NMBR: variants seen among roughly 807,000 people sequenced by gnomAD.
NMBR encodes neuromedin-B receptor.
NMBR carries 16 observed loss-of-function variants against 20.5 expected under a neutral mutation model. The observed-to-expected ratio is 0.78, with a 90% CI of 0.53 to 1.19. The LOEUF (loss-of-function observed/expected upper bound fraction) is 1.19, where lower values mean the gene tolerates loss of function less well. Ranked by LOEUF, NMBR falls within the 50% of genes most tolerant of loss-of-function variation. The pLI is 0.00. For missense variants in NMBR, 582 were observed against 499.1 expected, an observed-to-expected ratio of 1.17 and a Z score of -1.58; for synonymous variants, 212 against 196.6, an observed-to-expected ratio of 1.08 and a Z score of -0.65.
Position 142,133,208 on chromosome 6 carries a change from T to C in NMBR, c.-664+13836A>G, listed in dbSNP as rs763807128. 6.0e-6 allele frequency: 4 copies of C among 664,824 alleles called. 1 individual carries two copies. In the South Asian group the frequency reaches 6.5e-5, roughly 11 times the overall value. 41.2% of individuals were successfully genotyped at this position (664,824 alleles called of 1,614,324 possible). A position where few individuals can be genotyped will look rare whatever the true frequency, so the allele number is the denominator to read the frequency against. ...TTCTATGAAGGATGTGTAAGTATTA[T>C]ACAAACAAAAAATCAATTGTATGAG... On this transcript the variant is annotated intron_variant, in intron 1 of 3. Coordinates refer to ENST00000258042, the MANE Select transcript of NMBR (RefSeq NM_002511.4).
rs921125570 is a variant in NMBR, at chr6:142,136,857, C to A, written c.-664+10187G>T. ...TCTGTTCTGTTCCATTGATCTAGAT[C>A]TCTGTTTTGGTACCAGTACCATGCT... On this transcript the variant is annotated intron_variant, in intron 1 of 3. Coordinates refer to ENST00000258042, the MANE Select transcript of NMBR (RefSeq NM_002511.4). 2.0e-5 allele frequency among the ~76,000 whole-genome samples: 3 copies of A among 152,168 alleles called. No individual in the cohort carries two copies. In the East Asian group the frequency reaches 5.8e-4, roughly 29 times the overall value.
At chr6:142,107,656 A>C (rs1310453462) in intron 1 of NMBR, among the ~76,000 whole-genome samples, 1 of 152,208 alleles carries the variant, frequency 6.6e-6, no homozygotes, top group African/African-American at 2.4e-5. Context: ...TCTAGTTTTC[A>C]ACAAAAAATT....
At chr6:142,077,016 CAGGA>C (rs538877902) in intron 3 of NMBR, among the ~76,000 whole-genome samples, 82 of 152,220 alleles carry the variant, frequency 5.4e-4, no homozygotes, top group Non-Finnish European at 8.2e-4. Context: ...GAACCCAGGC[CAGGA>C]AGCAGAATGT....
chr6:142,089,194 C>T lies in NMBR; in HGVS notation c.-536G>A, dbSNP rs1277099227. The T allele has an allele frequency of 6.3e-6, 1 of 158,134 alleles. No homozygotes were observed. The highest frequency in any genetic ancestry group is 5.9e-5 in the Admixed American group (1 of 16,884). 9.8% of individuals were successfully genotyped at this position (158,134 alleles called of 1,614,324 possible). On this transcript the variant is annotated 5_prime_UTR_variant, in exon 2 of 4. An upstream open reading frame in the 5' UTR loses its in-frame stop. Transcript: ENST00000258042. ...TATTGTGTGGAACTGGAGGGGAGGT[C>T]AGTCCTCCATGCATGTGTGTGTGCC...
chr6:142,092,132 C>T (rs915205929), intron 1 of NMBR, among the ~76,000 whole-genome samples: 2 of 151,464 alleles, frequency 1.3e-5, no homozygotes, highest in Admixed American at 1.3e-4. Context: ...GCTATTGCAA[C>T]AGAAATGGAA....
At chr6:142,088,191 C>G in intron 2 of NMBR, 46 bp downstream of exon 2, 1 of 1,581,052 alleles carries the variant, frequency 6.3e-7, no homozygotes, top group South Asian at 1.1e-5. Flanking sequence ...CTACTCGCCC[C>G]TCTCCACGAC....
At chr6:142,140,489 G>T (rs899992281) in intron 1 of NMBR, among the ~76,000 whole-genome samples, 1 of 151,848 alleles carries the variant, frequency 6.6e-6, no homozygotes, top group Admixed American at 6.6e-5. Flanking sequence ...TGGCAGGAAA[G>T]GAAAAAAGAG....
Position 142,077,727 on chromosome 6 carries a change from C to A in NMBR, c.771+828G>T, listed in dbSNP as rs184462506. Among the ~76,000 whole-genome samples, 13 of 152,276 alleles carry A rather than the reference C, an allele frequency of 8.5e-5. No homozygotes were observed. The East Asian group carries it at 2.1e-3, about 25-fold the overall frequency. On this transcript the variant is annotated intron_variant, in intron 3 of 3. Coordinates refer to ENST00000258042, the MANE Select transcript of NMBR (RefSeq NM_002511.4). ...GTTCTAGTAAATTTTAAATGATCTG[C>A]GATTCAATTTCTTTGCCTTTAATTT...
chr6:142,082,424 G>A (rs1777117769), intron 2 of NMBR, among the ~76,000 whole-genome samples: 1 of 152,162 alleles, frequency 6.6e-6, no homozygotes, highest in South Asian at 2.1e-4. Flanking sequence ...TGGGAATGGT[G>A]ATGACAAACG....
intron 1 of NMBR, among the ~76,000 whole-genome samples, chr6:142,110,672 A>C (rs1777746474): frequency 6.6e-6 from 1 of 152,168 alleles, no homozygotes; most frequent in Non-Finnish European, 1.5e-5. Context: ...CACTCTGTGA[A>C]CATACCAAAA....
chr6:142,122,969 A>G (rs1777971202), intron 1 of NMBR, among the ~76,000 whole-genome samples: 2 of 151,892 alleles, frequency 1.3e-5, no homozygotes, highest in Non-Finnish European at 2.9e-5. Context: ...AGCCAATGGG[A>G]AAAGGAGTAA....
intron 3 of NMBR, 152 bp from the exon 4 acceptor site, chr6:142,076,201 G>A (rs1442710972): frequency 3.4e-6 from 2 of 594,924 alleles, no homozygotes; most frequent in South Asian, 2.9e-5. Flanking sequence ...AGTGATGATG[G>A]ATTTTAACAG....
intron 1 of NMBR, among the ~76,000 whole-genome samples, chr6:142,119,509 G>C (rs1231459710): frequency 6.6e-6 from 1 of 151,836 alleles, no homozygotes; most frequent in Admixed American, 6.6e-5. Flanking sequence ...GGATGTAAAG[G>C]TTTACAAACT....
intron 1 of NMBR, among the ~76,000 whole-genome samples, chr6:142,095,240 A>T (rs1006279366): frequency 1.3e-4 from 20 of 152,122 alleles, no homozygotes; most frequent in Non-Finnish European, 8.8e-5. Flanking sequence ...CAGTTTTTAA[A>T]GGGAATGCTT....
At chr6:142,085,391 G>A (rs1316153823) in intron 2 of NMBR, among the ~76,000 whole-genome samples, 2 of 152,110 alleles carry the variant, frequency 1.3e-5, no homozygotes, top group Admixed American at 6.5e-5. Context: ...AGGCATAGTG[G>A]CGTGTGCCTG....
intron 1 of NMBR, among the ~76,000 whole-genome samples, chr6:142,095,881 G>C (rs982658817): frequency 6.6e-6 from 1 of 152,154 alleles, no homozygotes; most frequent in Non-Finnish European, 1.5e-5. Flanking sequence ...TTAGTCTTGG[G>C]AGGGTGTATG....
intron 1 of NMBR, among the ~76,000 whole-genome samples, chr6:142,116,598 T>A (rs1459697387): frequency 6.6e-6 from 1 of 152,072 alleles, no homozygotes; most frequent in African/African-American, 2.4e-5. Context: ...TCCCAACTGT[T>A]CTGTCTACCA....
chr6:142,079,463 A>G (rs1777048692), intron 2 of NMBR, among the ~76,000 whole-genome samples: 1 of 152,138 alleles, frequency 6.6e-6, no homozygotes, highest in Admixed American at 6.5e-5. Flanking sequence ...CCTGGACATT[A>G]GTTTACCTCT....
chr6:142,088,681 G>A lies in NMBR; in HGVS notation c.-23C>T. ...CATGATCTCCTTTCCAGCAGAGTCC[G>A]CTGGAGTTTTCACGCGCTCCGGTGC... On this transcript the variant is annotated 5_prime_UTR_variant, in exon 2 of 4. Coordinates refer to ENST00000258042, the MANE Select transcript of NMBR (RefSeq NM_002511.4). The A allele has an allele frequency of 6.3e-7, 1 of 1,581,480 alleles. No homozygotes were observed. Among genetic ancestry groups the A allele is most frequent in the Non-Finnish European group, 8.6e-7 (1 of 1,168,488 alleles).
Sources: allele counts gnomAD v4.1 joint callset (sites outside exome capture counted in the v4.1 genomes callset), GRCh38; gene constraint gnomAD v4.1.1; transcripts MANE v1.5; gene names NCBI Gene and HGNC (gene_info 2026-07-23, HGNC 2026-07-21).